PARD3B: variants seen among roughly 807,000 people sequenced by gnomAD.
The protein encoded by PARD3B is par-3 family cell polarity regulator beta.
Under a neutral mutation model 130.2 loss-of-function variants are expected in PARD3B, and 103 were observed. That is an observed-to-expected ratio of 0.79 (90% CI 0.67 to 0.93). The LOEUF (loss-of-function observed/expected upper bound fraction) is 0.93. Ranked by LOEUF, PARD3B falls within the 40% of genes least tolerant of loss-of-function variation. The pLI is 0.00. For synonymous variants in PARD3B, 583 were observed against 553.2 expected (o/e 1.05, Z -0.76); for missense variants, 1,609 against 1,499.2 (o/e 1.07, Z -1.21).
chr2:204,813,429 T>G (rs1042738497), intron 2 of PARD3B, among the ~76,000 whole-genome samples: 3 of 152,140 alleles, frequency 2.0e-5, no homozygotes. Context: ...AGTACAGGCC[T>G]TTATTTGATA....
chr2:205,270,951 A>G (rs2040701476), intron 16 of PARD3B, among the ~76,000 whole-genome samples: 2 of 151,938 alleles, frequency 1.3e-5, no homozygotes, highest in Admixed American at 1.3e-4. Flanking sequence ...AACATACCGG[A>G]TTTTCTCGCC....
At chr2:204,800,586 C>T (rs1042364897) in intron 2 of PARD3B, among the ~76,000 whole-genome samples, 6 of 152,114 alleles carry the variant, frequency 3.9e-5, no homozygotes, top group Non-Finnish European at 5.9e-5. Flanking sequence ...ATTTAATAAT[C>T]AAACTCCCAA....
At chr2:204,904,593 T>C (rs1196271264) in intron 2 of PARD3B, among the ~76,000 whole-genome samples, 1 of 152,088 alleles carries the variant, frequency 6.6e-6, no homozygotes, top group African/African-American at 2.4e-5. Context: ...TTAAACATCT[T>C]GTAGTTGAGA....
chr2:205,501,183 G>A (rs2160383), intron 21 of PARD3B, among the ~76,000 whole-genome samples: 142,812 of 152,208 alleles, frequency 0.94, 67,660 homozygotes, highest in East Asian at 1. Flanking sequence ...AGAGCAACCG[G>A]AACTGCTGAG....
At chr2:205,392,027 A>G (rs1296338868) in intron 18 of PARD3B, among the ~76,000 whole-genome samples, 1 of 152,166 alleles carries the variant, frequency 6.6e-6, no homozygotes. Context: ...TTTAAAAAAT[A>G]TTAGTTATTG....
chr2:204,652,556 C>T (rs1419456843), intron 1 of PARD3B, among the ~76,000 whole-genome samples: 1 of 152,168 alleles, frequency 6.6e-6, no homozygotes, highest in African/African-American at 2.4e-5. Flanking sequence ...CCAGACTTTC[C>T]CACATCTTCC....
rs112609395 is a variant in PARD3B at position 205,533,148 on chromosome 2, C to G, written c.3181-20176C>G. On this transcript the variant is annotated intron_variant, in intron 21 of 22. Transcript: ENST00000406610. ...ATATGGCCATCCCTCTTTTTTCACT[C>G]AAGGAAAATATTAGACATATTTTCT... 3.3e-5 allele frequency among the ~76,000 whole-genome samples: 5 copies of G among 152,178 alleles called. 1 individual carries two copies. The highest frequency in any genetic ancestry group is 1.2e-4 in the African/African-American group (5 of 41,522).
At chr2:205,095,687 T>C (rs1559432107) in intron 4 of PARD3B, among the ~76,000 whole-genome samples, 1 of 152,174 alleles carries the variant, frequency 6.6e-6, no homozygotes, top group Non-Finnish European at 1.5e-5. Context: ...TTTTAAAAGC[T>C]CACAGCTGTC....
In PARD3B at chr2:204,943,281, G is replaced by T. The variant is rs892209552; in HGVS notation, c.223-21871G>T. 2.0e-5 allele frequency among the ~76,000 whole-genome samples: 3 copies of T among 151,856 alleles called. No homozygotes were observed. Among genetic ancestry groups the T allele is most frequent in the Admixed American group, 1.3e-4 (2 of 15,234 alleles). On this transcript the variant is annotated intron_variant, in intron 2 of 22. Coordinates refer to ENST00000406610, the MANE Select transcript of PARD3B (RefSeq NM_001302769.2). This position sits in a 1 kb window ranked among gnomAD's most constrained non-coding sequence, Gnocchi z 4.2. ...AACCTAATTATTTTCTCTCCTAAAA[G>T]GACGGTGACTGGAAAGATCGCATAG...
chr2:204,809,573 G>C (rs192902240), intron 2 of PARD3B, among the ~76,000 whole-genome samples: 2 of 151,994 alleles, frequency 1.3e-5, no homozygotes, highest in Non-Finnish European at 2.9e-5. Flanking sequence ...TTATTTCTGG[G>C]GTCTCTGTTC....
intron 1 of PARD3B, among the ~76,000 whole-genome samples, chr2:204,546,786 T>C (rs749182950): frequency 7.2e-5 from 11 of 152,210 alleles, no homozygotes; most frequent in Non-Finnish European, 1.3e-4. Context: ...TGAGTGACTA[T>C]TAAAATGAGA....
chr2:205,080,517 CTA>C (rs1425745358), intron 4 of PARD3B, among the ~76,000 whole-genome samples: 1 of 152,104 alleles, frequency 6.6e-6, no homozygotes, highest in Non-Finnish European at 1.5e-5. Context: ...TGATTCATCG[CTA>C]TGTTTTTATA....
intron 2 of PARD3B, among the ~76,000 whole-genome samples, chr2:204,865,128 T>C (rs2045357128): frequency 6.6e-6 from 1 of 152,072 alleles, no homozygotes. Flanking sequence ...AAAATAGATG[T>C]TGGCATAGAT....
At chr2:204,723,939 T>A (rs1197404494) in intron 2 of PARD3B, among the ~76,000 whole-genome samples, 1 of 152,154 alleles carries the variant, frequency 6.6e-6, no homozygotes, top group Admixed American at 6.5e-5. Flanking sequence ...ATGCAAGTAA[T>A]AAATTTGCTG....
intron 2 of PARD3B, among the ~76,000 whole-genome samples, chr2:204,755,739 A>C (rs1043447224): frequency 1.3e-5 from 2 of 152,166 alleles, no homozygotes; most frequent in African/African-American, 2.4e-5. Context: ...TATTCCAGGC[A>C]ATGGAAATAT....
chr2:205,334,670 G>T (rs1254946647), intron 18 of PARD3B, among the ~76,000 whole-genome samples: 1 of 152,072 alleles, frequency 6.6e-6, no homozygotes, highest in African/African-American at 2.4e-5. Flanking sequence ...TTTTCATTTG[G>T]TCCTCCAAAA....
At chr2:205,092,032 T>C (rs1209154706) in intron 4 of PARD3B, among the ~76,000 whole-genome samples, 1 of 152,142 alleles carries the variant, frequency 6.6e-6, no homozygotes, top group Non-Finnish European at 1.5e-5. Flanking sequence ...ATTCCCGTGT[T>C]CAATTTTGCT....
intron 16 of PARD3B, among the ~76,000 whole-genome samples, chr2:205,284,720 A>G (rs1420124520): frequency 6.6e-6 from 1 of 152,148 alleles, no homozygotes; most frequent in African/African-American, 2.4e-5. Context: ...TTTCAAATGT[A>G]GTATTTTTTT....
chr2:204,858,709 G>A (rs2045058465), intron 2 of PARD3B, among the ~76,000 whole-genome samples: 1 of 148,634 alleles, frequency 6.7e-6, no homozygotes, highest in Admixed American at 6.7e-5. Context: ...TGAGATGATG[G>A]GTGTGTTAAT....
Sources: gnomAD v4.1 joint callset for allele counts (sites outside exome capture counted in the v4.1 genomes callset) on GRCh38, gnomAD v4.1.1 for gene constraint, Gnocchi (gnomAD v3.1) non-coding constraint, MANE v1.5 for transcripts, NCBI Gene and HGNC (gene_info 2026-07-23, HGNC 2026-07-21) for gene names.